The following PDE10A variants were observed in gnomAD, a reference collection of about 807,000 sequenced individuals.
PDE10A encodes phosphodiesterase 10A, also known as cAMP and cAMP-inhibited cGMP 3',5'-cyclic phosphodiesterase 10A.
Under a neutral mutation model 97.7 loss-of-function variants are expected in PDE10A, and 39 were observed. The observed-to-expected ratio is 0.40, with a 90% confidence interval of 0.31 to 0.52. The LOEUF (loss-of-function observed/expected upper bound fraction) is 0.52, where lower values mean the gene tolerates loss of function less well. PDE10A is among the 20% of genes least tolerant of loss of function. PDE10A has a pLI of 0.56. For synonymous variants in PDE10A, 371 were observed against 376.8 expected, an observed-to-expected ratio of 0.98 and a Z score of 0.18; for missense variants, 731 against 1,047.8, an observed-to-expected ratio of 0.70 and a Z score of 4.17.
At chr6:165,777,041 G>A (rs377092392) in intron 1 of PDE10A, among the ~76,000 whole-genome samples, 3 of 152,304 alleles carry the variant, frequency 2.0e-5, no homozygotes, top group East Asian at 1.9e-4. Context: ...AAGTGAGGGC[G>A]AGGAGAATCT....
intron 1 of PDE10A, among the ~76,000 whole-genome samples, chr6:165,839,696 C>A (rs1010873402): frequency 2.0e-5 from 3 of 151,134 alleles, no homozygotes; most frequent in African/African-American, 4.9e-5. Context: ...CATCTCCATC[C>A]CCATCTCTAT....
intron 1 of PDE10A, among the ~76,000 whole-genome samples, chr6:165,694,494 C>T (rs1001630991): frequency 2.0e-5 from 3 of 152,210 alleles, no homozygotes; most frequent in African/African-American, 4.8e-5. Context: ...ATTCACTGCT[C>T]CTCAACTCTG....
intron 1 of PDE10A, among the ~76,000 whole-genome samples, chr6:165,861,161 T>C (rs1475522638): frequency 6.6e-6 from 1 of 152,186 alleles, no homozygotes; most frequent in Non-Finnish European, 1.5e-5. Context: ...GCTGATGATG[T>C]CAAGAGTTCC....
chr6:165,648,302 A>G (rs557132719), intron 1 of PDE10A, among the ~76,000 whole-genome samples: 1 of 151,982 alleles, frequency 6.6e-6, no homozygotes, highest in African/African-American at 2.4e-5. Flanking sequence ...GTGACCCACC[A>G]CGCCCGGCCT....
Position 165,432,999 on chromosome 6 carries a change from T to G in PDE10A, c.1466A>C (p.Glu489Ala). ...ILELYRHWGK[E>A]AFCLSHQEVA... Reference sequence around the variant, plus strand: ...CTCCTGGTGACTAAGACAGAAGGCTTCTTTGCCCCAGTGCCGATACAGCTC... The same window carrying G: ...CTCCTGGTGACTAAGACAGAAGGCTGCTTTGCCCCAGTGCCGATACAGCTC... Residue 489 changes from glutamate (E) to alanine (A), a missense_variant, in exon 7 of 22, where the codon GAA becomes GCA. Physicochemically the swap from Glu to Ala is moderately radical, Grantham distance 107. Coordinates refer to ENST00000539869, the MANE Select transcript of PDE10A (RefSeq NM_001385079.1). 6.2e-7 allele frequency: 1 copy of G among 1,613,954 alleles called. No individual in the cohort carries two copies. Among genetic ancestry groups the G allele is most frequent in the Non-Finnish European group, 8.5e-7 (1 of 1,179,930 alleles).
chr6:165,505,413 A>G (rs1317072626), intron 2 of PDE10A, among the ~76,000 whole-genome samples: 1 of 152,214 alleles, frequency 6.6e-6, no homozygotes, highest in Non-Finnish European at 1.5e-5. Context: ...TACAAACATA[A>G]TAAGCCAACC....
intron 1 of PDE10A, among the ~76,000 whole-genome samples, chr6:165,721,533 A>G (rs1262297521): frequency 6.6e-6 from 1 of 152,232 alleles, no homozygotes; most frequent in Non-Finnish European, 1.5e-5. Context: ...CCGTGAGGCC[A>G]TAAGTGGTTC....
At chr6:165,669,666 T>C (rs1790592621) in intron 1 of PDE10A, among the ~76,000 whole-genome samples, 1 of 152,130 alleles carries the variant, frequency 6.6e-6, no homozygotes, top group African/African-American at 2.4e-5. Context: ...CATGAAAGCT[T>C]ACTTTTCTCC....
intron 1 of PDE10A, among the ~76,000 whole-genome samples, chr6:165,580,011 G>C (rs1785523635): frequency 6.6e-6 from 1 of 152,070 alleles, no homozygotes; most frequent in Admixed American, 6.5e-5. Context: ...CATTTTTCCT[G>C]TGGCACTCTA....
chr6:165,806,653 C>CT (rs1404461140), intron 1 of PDE10A, among the ~76,000 whole-genome samples: 1 of 151,794 alleles, frequency 6.6e-6, no homozygotes, highest in Admixed American at 6.6e-5. Context: ...CTGAGCGCCC[C>CT]CCCCCAGGCT....
chr6:165,897,177 G>A (rs1413915486), intron 1 of PDE10A, among the ~76,000 whole-genome samples: 3 of 152,204 alleles, frequency 2.0e-5, no homozygotes, highest in African/African-American at 7.2e-5. Flanking sequence ...TGGAGAAAAG[G>A]TGAACCTGCA....
chr6:165,355,801 T>C (rs898830067), intron 18 of PDE10A, among the ~76,000 whole-genome samples: 10 of 152,118 alleles, frequency 6.6e-5, no homozygotes, highest in African/African-American at 2.4e-4. Flanking sequence ...AACTAAGGTG[T>C]TTTCTAAAGC....
intron 13 of PDE10A, among the ~76,000 whole-genome samples, chr6:165,405,707 T>A (rs1338598326): frequency 1.3e-5 from 2 of 152,212 alleles, no homozygotes; most frequent in African/African-American, 2.4e-5. Flanking sequence ...GTAAAATGCA[T>A]GTCTGCTTGA....
intron 11 of PDE10A, among the ~76,000 whole-genome samples, chr6:165,416,513 A>G (rs1031278967): frequency 1.3e-5 from 2 of 152,238 alleles, no homozygotes; most frequent in Non-Finnish European, 2.9e-5. Context: ...ACAAACTGAG[A>G]TCAAACAATC....
chr6:165,715,957 T>C (rs1008801667), intron 1 of PDE10A, among the ~76,000 whole-genome samples: 28 of 152,210 alleles, frequency 1.8e-4, no homozygotes, highest in Admixed American at 5.9e-4. Flanking sequence ...CTTTCTGTAA[T>C]AGTGAATGCA....
chr6:165,447,775 C>T (rs531088480), intron 5 of PDE10A, among the ~76,000 whole-genome samples: 5 of 152,148 alleles, frequency 3.3e-5, no homozygotes, highest in Admixed American at 6.5e-5. Context: ...TCTTATCTGA[C>T]GGTTTATATG....
At chr6:165,410,557 G>A (rs1159112751) in intron 13 of PDE10A, among the ~76,000 whole-genome samples, 3 of 152,158 alleles carry the variant, frequency 2.0e-5, no homozygotes, top group Non-Finnish European at 4.4e-5. Context: ...CAGACAGAAT[G>A]AACGGACGTA....
intron 1 of PDE10A, among the ~76,000 whole-genome samples, chr6:165,792,347 C>T (rs1422560089): frequency 1.3e-5 from 2 of 152,138 alleles, no homozygotes; most frequent in African/African-American, 4.8e-5. Context: ...TGTAAGGGAG[C>T]GGGAAGGAAC....
chr6:165,736,986 A>G (rs189739381), intron 1 of PDE10A, among the ~76,000 whole-genome samples: 98 of 152,352 alleles, frequency 6.4e-4, no homozygotes, highest in East Asian at 3.3e-3. Context: ...GATACTACAG[A>G]ACTACAAAGG....
Sources: allele counts gnomAD v4.1 joint callset (sites outside exome capture counted in the v4.1 genomes callset), GRCh38; gene constraint gnomAD v4.1.1; transcripts MANE v1.5; gene names NCBI Gene and HGNC (gene_info 2026-07-23, HGNC 2026-07-21).